SPHKAP: variants seen among roughly 807,000 people sequenced by gnomAD.
SPHKAP encodes the protein A-kinase anchor protein SPHKAP.
A neutral mutation model predicts 137.5 loss-of-function variants in SPHKAP; 67 were observed. That is an observed-to-expected ratio of 0.49 (90% CI 0.40 to 0.60). SPHKAP has a LOEUF of 0.60. Ranked by LOEUF, SPHKAP falls within the 20% of genes least tolerant of loss-of-function variation. The pLI is 0.00. For synonymous variants in SPHKAP, 813 were observed against 785.3 expected (o/e 1.04, Z -0.59); for missense variants, 2,097 against 2,069.3 (o/e 1.01, Z -0.26).
At chr2:228,066,924 G>T (rs1696845152) in intron 3 of SPHKAP, among the ~76,000 whole-genome samples, 1 of 152,166 alleles carries the variant, frequency 6.6e-6, no homozygotes, top group Non-Finnish European at 1.5e-5. Context: ...GTACTGTTCA[G>T]TTTGTTAACC....
intron 4 of SPHKAP, 61 bp downstream of exon 4, chr2:228,027,423 T>A: frequency 6.5e-7 from 1 of 1,529,644 alleles, no homozygotes; most frequent in Non-Finnish European, 9.0e-7. Context: ...TATTTACAGA[T>A]GAAATCAAGT....
chr2:228,059,338 A>G (rs1374997596), intron 3 of SPHKAP, among the ~76,000 whole-genome samples: 1 of 152,222 alleles, frequency 6.6e-6, no homozygotes, highest in African/African-American at 2.4e-5. Context: ...CAGAGTGCCT[A>G]TAACATTTTT....
intron 2 of SPHKAP, among the ~76,000 whole-genome samples, chr2:228,130,763 T>C (rs953867128): frequency 5.9e-5 from 9 of 152,294 alleles, no homozygotes; most frequent in Middle Eastern, 6.8e-3. Flanking sequence ...CTTTTATGAA[T>C]AACTTGAAAT....
Position 228,181,502 on chromosome 2 carries a change from C to A in SPHKAP, c.32+65G>T. 6.2e-7 allele frequency: 1 copy of A among 1,611,608 alleles called. No homozygotes were observed. Among genetic ancestry groups the A allele is most frequent in the Non-Finnish European group, 8.5e-7 (1 of 1,177,816 alleles). On this transcript the variant is annotated intron_variant, in intron 1 of 11. Transcript: ENST00000392056. The surrounding 1 kb of genome is among the most constrained non-coding windows in gnomAD (Gnocchi z 4.3). ...AAGCGCTCTGGGGCAAGTTGGTGAGCGACTCACAACGCGGAACGGAGTTTG... is the reference window on the plus strand; with the variant it reads ...AAGCGCTCTGGGGCAAGTTGGTGAGAGACTCACAACGCGGAACGGAGTTTG...
chr2:228,101,266 C>T (rs1003551680), intron 3 of SPHKAP, among the ~76,000 whole-genome samples: 3 of 152,174 alleles, frequency 2.0e-5, no homozygotes. Context: ...AAGCCATAAT[C>T]ATTGTAGTTA....
intron 1 of SPHKAP, among the ~76,000 whole-genome samples, chr2:228,172,273 G>C (rs1000022879): frequency 6.6e-6 from 1 of 152,090 alleles, no homozygotes; most frequent in Non-Finnish European, 1.5e-5. Context: ...CTATGAAATG[G>C]GCAATGTGTG....
intron 1 of SPHKAP, among the ~76,000 whole-genome samples, chr2:228,162,311 G>C (rs1228369900): frequency 6.6e-6 from 1 of 152,168 alleles, no homozygotes; most frequent in Non-Finnish European, 1.5e-5. Context: ...CTAAATTAGA[G>C]AATTTATTAA....
intron 3 of SPHKAP, among the ~76,000 whole-genome samples, chr2:228,079,735 T>C (rs1697300396): frequency 6.6e-6 from 1 of 152,164 alleles, no homozygotes; most frequent in African/African-American, 2.4e-5. Context: ...TGCAGGCCCA[T>C]CTTCGTATAC....
intron 2 of SPHKAP, among the ~76,000 whole-genome samples, chr2:228,130,093 G>T (rs1481569013): frequency 6.6e-6 from 1 of 152,114 alleles, no homozygotes; most frequent in Non-Finnish European, 1.5e-5. Flanking sequence ...ACCGTGCCCA[G>T]CACCAGTTTT....
chr2:228,027,145 G>A (rs1695072977), intron 4 of SPHKAP, among the ~76,000 whole-genome samples: 1 of 152,156 alleles, frequency 6.6e-6, no homozygotes, highest in South Asian at 2.1e-4. Context: ...AAAGCAGCAG[G>A]AAGAAGCAAA....
intron 3 of SPHKAP, among the ~76,000 whole-genome samples, chr2:228,054,747 T>G (rs977314264): frequency 1.3e-5 from 2 of 152,222 alleles, no homozygotes; most frequent in Middle Eastern, 3.4e-3. Flanking sequence ...AAATGGAGGC[T>G]TTGAACTATT....
intron 3 of SPHKAP, among the ~76,000 whole-genome samples, chr2:228,103,530 T>C: frequency 6.6e-6 from 1 of 152,204 alleles, no homozygotes; most frequent in East Asian, 1.9e-4. Context: ...TGGTACTGGC[T>C]GAAGTTGGCA....
intron 1 of SPHKAP, among the ~76,000 whole-genome samples, chr2:228,136,809 G>T (rs1019202432): frequency 2.6e-5 from 4 of 152,140 alleles, no homozygotes; most frequent in Non-Finnish European, 5.9e-5. Context: ...GAGAAAAATA[G>T]ATCAGAGTAA....
chr2:228,087,653 T>C (rs1697580459), intron 3 of SPHKAP, among the ~76,000 whole-genome samples: 1 of 152,058 alleles, frequency 6.6e-6, no homozygotes, highest in South Asian at 2.1e-4. Context: ...AAAAGTATAA[T>C]AAAATGAAAA....
chr2:228,058,305 CATT>C (rs1696515834), intron 3 of SPHKAP, among the ~76,000 whole-genome samples: 1 of 152,314 alleles, frequency 6.6e-6, no homozygotes, highest in Admixed American at 6.5e-5. Flanking sequence ...TACAATGTCT[CATT>C]ATACACACAT....
intron 2 of SPHKAP, among the ~76,000 whole-genome samples, chr2:228,122,368 A>C (rs1698938791): frequency 6.6e-6 from 1 of 152,314 alleles, no homozygotes; most frequent in South Asian, 2.1e-4. Flanking sequence ...ATGATGCTCA[A>C]GGAACTGAGC....
At chr2:228,168,068 T>C (rs548831018) in intron 1 of SPHKAP, among the ~76,000 whole-genome samples, 1 of 152,150 alleles carries the variant, frequency 6.6e-6, no homozygotes, top group Non-Finnish European at 1.5e-5. Context: ...GCATTCTATC[T>C]TATTATATAT....
chr2:228,051,909 G>C (rs1215439178), intron 3 of SPHKAP, among the ~76,000 whole-genome samples: 1 of 152,012 alleles, frequency 6.6e-6, no homozygotes, highest in East Asian at 1.9e-4. Context: ...CTATTGATGA[G>C]AGTTCAGCCT....
intron 1 of SPHKAP, chr2:228,173,129 C>G: frequency 1.1e-6 from 1 of 907,870 alleles, no homozygotes; most frequent in Non-Finnish European, 1.3e-6. Context: ...GAATGACTCA[C>G]GTATGGCAGA....
Sources: gnomAD v4.1 joint callset for allele counts (sites outside exome capture counted in the v4.1 genomes callset) on GRCh38, gnomAD v4.1.1 for gene constraint, Gnocchi (gnomAD v3.1) non-coding constraint, MANE v1.5 for transcripts, NCBI Gene and HGNC (gene_info 2026-07-23, HGNC 2026-07-21) for gene names.